Variants in LIMCH1 observed in about 807,000 individuals in gnomAD.
LIMCH1 encodes LIM and calponin homology domains-containing protein 1.
In LIMCH1, 113 loss-of-function variants were observed where a neutral mutation model predicts 176.5. The ratio of observed to expected loss-of-function variants is 0.64; its 90% CI spans 0.55 to 0.75. The LOEUF is 0.75. LIMCH1 is among the 30% of genes least tolerant of loss of function. LIMCH1 has a pLI of 0.00. For synonymous variants in LIMCH1, 619 were observed against 645.9 expected, an observed-to-expected ratio of 0.96 and a Z score of 0.63; for missense variants, 1,674 against 1,814.9, an observed-to-expected ratio of 0.92 and a Z score of 1.41.
At chr4:41,671,690 C>A (rs548964544) in intron 22 of LIMCH1, 96 bp downstream of exon 22, 3 of 921,496 alleles carry the variant, frequency 3.3e-6, no homozygotes, top group South Asian at 1.4e-5. Context: ...CGGGTGCAGG[C>A]GGTGGCTCAC....
intron 7 of LIMCH1, among the ~76,000 whole-genome samples, chr4:41,624,277 A>G (rs985607421): frequency 6.6e-6 from 1 of 152,110 alleles, no homozygotes; most frequent in Non-Finnish European, 1.5e-5. Context: ...CGTAGTAATT[A>G]ATTACAGAGG....
chr4:41,436,777 A>G (rs1192171546), intron 1 of LIMCH1, among the ~76,000 whole-genome samples: 1 of 151,630 alleles, frequency 6.6e-6, no homozygotes, highest in Non-Finnish European at 1.5e-5. Context: ...GTCTGGGTAT[A>G]TATTGGAAGT....
At chr4:41,650,090 C>G (rs1327703152) in intron 17 of LIMCH1, among the ~76,000 whole-genome samples, 1 of 152,182 alleles carries the variant, frequency 6.6e-6, no homozygotes, top group Non-Finnish European at 1.5e-5. Flanking sequence ...TGTATTTGTA[C>G]TTAAGATTCT....
chr4:41,565,540 A>G (rs2082654055), intron 1 of LIMCH1, among the ~76,000 whole-genome samples: 1 of 151,758 alleles, frequency 6.6e-6, no homozygotes. Context: ...ATTTTTTAGA[A>G]TTTCCTTTGT....
chr4:41,620,517 C>G lies in LIMCH1; in HGVS notation c.552C>G (p.Ser184=). ...AGQMNPGWKP[S]DGGCELPDGS... ...AAATGAATCCTGGTTGGAAGCCTTC[C>G]GATGGTGGGTGTGAATTACCTGACG... Residue 184 remains serine (S), a synonymous_variant, in exon 7 of 32, where the codon TCC becomes TCG. Coordinates refer to ENST00000503057, the MANE Select transcript of LIMCH1 (RefSeq NM_001330672.2). The G allele has an allele frequency of 6.5e-7, 1 of 1,536,402 alleles. No individual in the cohort carries two copies. Among genetic ancestry groups the G allele is most frequent in the Non-Finnish European group, 8.7e-7 (1 of 1,146,964 alleles).
intron 1 of LIMCH1, among the ~76,000 whole-genome samples, chr4:41,459,283 T>TTCCC (rs1468715524): frequency 3.9e-5 from 6 of 151,990 alleles, no homozygotes; most frequent in Non-Finnish European, 5.9e-5. Context: ...CCTTCCTTCC[T>TTCCC]TCCCTCCCTC....
intron 30 of LIMCH1, among the ~76,000 whole-genome samples, chr4:41,691,049 G>A (rs955002480): frequency 2.0e-5 from 3 of 152,128 alleles, no homozygotes; most frequent in Non-Finnish European, 4.4e-5. Flanking sequence ...AATAAGCAAG[G>A]TGGTAAGGGC....
Position 41,662,985 on chromosome 4 carries a change from G to A in LIMCH1, c.3291+1G>A. ...GGTGGAGTTGGTGCTGTCACAAAAG[G>A]TGAAGTGCAGAGTGGAGGAAAGCGG... On this transcript the variant is annotated splice_donor_variant, in intron 20 of 31. Coordinates refer to ENST00000503057, the MANE Select transcript of LIMCH1 (RefSeq NM_001330672.2). LOFTEE classifies it high-confidence loss of function. 1 of 1,613,386 alleles carries A rather than the reference G, an allele frequency of 6.2e-7. No individual in the cohort carries two copies. Among genetic ancestry groups the A allele is most frequent in the Non-Finnish European group, 8.5e-7 (1 of 1,179,614 alleles).
At position 41,661,445 on chromosome 4, in the gene LIMCH1, AT is replaced by A. The variant is rs1479623588; in HGVS notation, c.3063del (p.Asn1021LysfsTer17). The part of the protein sequence containing the change: ...LAATTEKTEP[N>X]SQEDKNDGGK... ...GCAACCACTGAGAAAACGGAACCGA[AT>A]AGTCAAGAGGACAAGAATGATGGTG... On this transcript the variant is annotated frameshift_variant, in exon 19 of 32. Transcript: ENST00000503057. LOFTEE classifies it high-confidence loss of function. 6.2e-7 allele frequency: 1 copy of A among 1,613,226 alleles called. No homozygotes were observed. The highest frequency in any genetic ancestry group is 8.5e-7 in the Non-Finnish European group (1 of 1,179,514).
chr4:41,684,362 T>G, intron 26 of LIMCH1, 35 bp from the exon 27 acceptor site: 1 of 1,592,810 alleles, frequency 6.3e-7, no homozygotes, highest in East Asian at 2.2e-5. Context: ...GTTACTTTTC[T>G]CTCTGCTCTG....
Position 41,626,924 on chromosome 4 carries a change from T to A in LIMCH1, c.942T>A (p.Pro314=). 6.5e-7 allele frequency: 1 copy of A among 1,535,942 alleles called. No homozygotes were observed. The highest frequency in any genetic ancestry group is 1.4e-5 in the African/African-American group (1 of 73,036). ...MVPLNQLLYG[P]YPKKGAEKSD... is the part of the protein sequence containing the mutation. ...CATTAAATCAACTCCTCTATGGCCC[T>A]TATCCAAAGAAAGGGGCAGAGAAAT... is the stretch of plus-strand genomic sequence containing the variant. The change falls in exon 8 of 32, where the codon CCT becomes CCA. Residue 314 remains proline (P), a synonymous_variant. Transcript: ENST00000503057.
At chr4:41,538,730 G>A (rs979278809) in intron 1 of LIMCH1, among the ~76,000 whole-genome samples, 1 of 152,118 alleles carries the variant, frequency 6.6e-6, no homozygotes, top group Non-Finnish European at 1.5e-5. Context: ...ATGGTGTTGT[G>A]GGGGAGATGT....
At chr4:41,447,627 T>G (rs370187188) in intron 1 of LIMCH1, among the ~76,000 whole-genome samples, 11 of 152,234 alleles carry the variant, frequency 7.2e-5, no homozygotes, top group African/African-American at 2.2e-4. Context: ...AAATTCTTGT[T>G]GAGTAGATTA....
chr4:41,605,990 G>A lies in LIMCH1; in HGVS notation c.-6G>A. On this transcript the variant is annotated 5_prime_UTR_variant, in exon 4 of 32. Transcript: ENST00000503057. Reference sequence around the variant, plus strand: ...CCTGAAGGAGTTTGAAGGATTGTTGGCTCAGATGCGAAAGGTAACTTGGCT... The same window carrying A: ...CCTGAAGGAGTTTGAAGGATTGTTGACTCAGATGCGAAAGGTAACTTGGCT... The A allele has an allele frequency of 6.2e-7, 1 of 1,612,480 alleles. No individual in the cohort carries two copies. Among genetic ancestry groups the A allele is most frequent in the Non-Finnish European group, 8.5e-7 (1 of 1,178,666 alleles).
chr4:41,588,893 A>T (rs552217064), intron 1 of LIMCH1, among the ~76,000 whole-genome samples: 21 of 152,190 alleles, frequency 1.4e-4, no homozygotes, highest in Non-Finnish European at 2.9e-4. Context: ...GTGTTATCCC[A>T]GCTGATGTCC....
At chr4:41,447,642 T>A (rs1385231451) in intron 1 of LIMCH1, among the ~76,000 whole-genome samples, 1 of 152,262 alleles carries the variant, frequency 6.6e-6, no homozygotes, top group African/African-American at 2.4e-5. Context: ...AGATTAATTC[T>A]GGATCCTGAA....
chr4:41,409,339 G>A lies in LIMCH1; in HGVS notation c.96+48403G>A, dbSNP rs1315694098. On this transcript the variant is annotated intron_variant, in intron 1 of 26. Coordinates refer to the LIMCH1 transcript ENST00000313860. ...TCATTAGGAAATATTCAGCCAAAAA[G>A]CATTTATTGGGGCTCTTCTAGGCCC... Among the ~76,000 whole-genome samples the A allele has an allele frequency of 3.9e-5, 6 of 152,084 alleles. No individual in the cohort carries two copies. The East Asian group carries it at 9.6e-4, about 24-fold the overall frequency.
In LIMCH1 at chr4:41,699,909, GGTTATACTAA is replaced by G. The variant is rs1732439550; in HGVS notation, c.*2725_*2734del. ...TCTGGGTGGGCCAGTGTTCTATATCGGTTATACTAACTTTCATTTAAAGTATTTATTCTAA... is the reference window on the plus strand; with the variant it reads ...TCTGGGTGGGCCAGTGTTCTATATCGCTTTCATTTAAAGTATTTATTCTAA... On this transcript the variant is annotated 3_prime_UTR_variant, in exon 32 of 32. Transcript: ENST00000503057. The G allele has an allele frequency of 6.6e-6, 1 of 151,844 alleles. No homozygotes were observed. Among genetic ancestry groups the G allele is most frequent in the African/African-American group, 2.4e-5 (1 of 41,336 alleles). 9.4% of individuals were successfully genotyped at this position (151,844 alleles called of 1,614,324 possible).
At chr4:41,630,772 G>C (rs920568399) in intron 9 of LIMCH1, among the ~76,000 whole-genome samples, 1 of 152,128 alleles carries the variant, frequency 6.6e-6, no homozygotes, top group African/African-American at 2.4e-5. Context: ...ATATGAAATG[G>C]TATAGTATTT....
Sources: gnomAD v4.1 joint callset for allele counts (sites outside exome capture counted in the v4.1 genomes callset) on GRCh38, gnomAD v4.1.1 for gene constraint, MANE v1.5 for transcripts, NCBI Gene and HGNC (gene_info 2026-07-23, HGNC 2026-07-21) for gene names.